Variants in MYO16 observed in about 807,000 individuals in gnomAD.
The protein encoded by MYO16 is myosin XVI, also known as unconventional myosin-XVI.
In MYO16, 94 loss-of-function variants were observed where a neutral mutation model predicts 205.3. The observed-to-expected ratio is 0.46, with a 90% confidence interval of 0.39 to 0.54. The LOEUF is 0.54. Ranked by LOEUF, MYO16 falls within the 20% of genes least tolerant of loss-of-function variation. MYO16 has a pLI of 0.00. For missense variants in MYO16, 2,315 were observed against 2,387.5 expected (o/e 0.97, Z 0.63); for synonymous variants, 988 against 954.0 (o/e 1.04, Z -0.66).
intron 9 of MYO16, among the ~76,000 whole-genome samples, chr13:108,825,014 T>C (rs2139025656): frequency 6.6e-6 from 1 of 152,206 alleles, no homozygotes; most frequent in Admixed American, 6.5e-5. Context: ...ACAAACACTT[T>C]CAAAAACAGA....
At chr13:109,007,519 GATA>G (rs924328754) in intron 21 of MYO16, among the ~76,000 whole-genome samples, 12 of 150,730 alleles carry the variant, frequency 8.0e-5, no homozygotes, top group East Asian at 2.0e-4. Context: ...AAGAATTTGA[GATA>G]ATAAGTAGAA....
intron 2 of MYO16, among the ~76,000 whole-genome samples, chr13:108,684,448 C>T (rs1355443624): frequency 6.6e-6 from 1 of 152,082 alleles, no homozygotes; most frequent in Non-Finnish European, 1.5e-5. Flanking sequence ...ATATATATCT[C>T]TTATTGTGTG....
intron 2 of MYO16, among the ~76,000 whole-genome samples, chr13:108,694,503 T>A (rs1281477496): frequency 3.3e-5 from 5 of 152,178 alleles, no homozygotes; most frequent in Non-Finnish European, 7.3e-5. Context: ...ATCTTTCATG[T>A]CTTGTTGGTC....
intron 21 of MYO16, among the ~76,000 whole-genome samples, chr13:109,002,894 T>C (rs1885264095): frequency 6.6e-6 from 1 of 152,180 alleles, no homozygotes; most frequent in South Asian, 2.1e-4. Context: ...GTTTGTGGGG[T>C]ACATTTTTTT....
chr13:109,077,659 G>A (rs1238751460), intron 27 of MYO16, among the ~76,000 whole-genome samples: 3 of 152,148 alleles, frequency 2.0e-5, no homozygotes, highest in African/African-American at 7.2e-5. Context: ...CAAGAAGAAA[G>A]CTGCTGTCCA....
chr13:108,538,324 A>G, the MYO16 span, among the ~76,000 whole-genome samples: 11 of 152,256 alleles, frequency 7.2e-5, no homozygotes, highest in East Asian at 1.9e-4. Context: ...GACTAGAAAG[A>G]TCACTGAGGA....
At chr13:108,797,093 G>A (rs540903015) in intron 6 of MYO16, among the ~76,000 whole-genome samples, 1 of 152,250 alleles carries the variant, frequency 6.6e-6, no homozygotes, top group African/African-American at 2.4e-5. Flanking sequence ...TAAATGTGTT[G>A]TGTGATTAGA....
At chr13:108,564,172 CT>C in the MYO16 span, among the ~76,000 whole-genome samples, 3,668 of 126,610 alleles carry the variant, frequency 0.029, 24 homozygotes, top group South Asian at 0.066. Flanking sequence ...CTATTGCCTT[CT>C]TTTTTTTTTT....
the MYO16 span, among the ~76,000 whole-genome samples, chr13:108,541,617 T>G: frequency 6.6e-6 from 1 of 152,114 alleles, no homozygotes; most frequent in Non-Finnish European, 1.5e-5. Context: ...TACTGAAAAT[T>G]TAATATAATA....
intron 27 of MYO16, among the ~76,000 whole-genome samples, chr13:109,062,401 G>C (rs1887620508): frequency 6.6e-6 from 1 of 152,132 alleles, no homozygotes; most frequent in Non-Finnish European, 1.5e-5. Context: ...GAGACCATAG[G>C]CATACTGTAA....
chr13:108,720,684 G>A (rs1325209813), intron 3 of MYO16, among the ~76,000 whole-genome samples: 1 of 152,148 alleles, frequency 6.6e-6, no homozygotes, highest in Non-Finnish European at 1.5e-5. Flanking sequence ...TATTTCTCTA[G>A]TCTCCTCTGC....
At chr13:108,498,802 A>G in the MYO16 span, among the ~76,000 whole-genome samples, 1 of 152,204 alleles carries the variant, frequency 6.6e-6, no homozygotes, top group Admixed American at 6.5e-5. Flanking sequence ...ACAACACCTT[A>G]TCTGTCCCAA....
intron 27 of MYO16, among the ~76,000 whole-genome samples, chr13:109,065,040 G>A (rs771148161): frequency 6.6e-6 from 1 of 152,198 alleles, no homozygotes; most frequent in Non-Finnish European, 1.5e-5. Context: ...AGAAGTGGGT[G>A]TTAGCTAAGG....
intron 4 of MYO16, among the ~76,000 whole-genome samples, chr13:108,785,097 G>C (rs774064046): frequency 6.6e-6 from 1 of 152,130 alleles, no homozygotes; most frequent in Non-Finnish European, 1.5e-5. Context: ...ATAGTTGCTG[G>C]AAAGAGAAAA....
chr13:108,596,526 A>G (rs2139292252), intron 1 of MYO16, among the ~76,000 whole-genome samples: 1 of 152,348 alleles, frequency 6.6e-6, no homozygotes, highest in Admixed American at 6.5e-5. Flanking sequence ...AAGAGGAAAT[A>G]TTGAAAAGTT....
intron 5 of MYO16, among the ~76,000 whole-genome samples, chr13:108,788,578 C>G (rs575393617): frequency 5.8e-4 from 89 of 152,298 alleles, no homozygotes; most frequent in African/African-American, 1.9e-3. Context: ...TCTGCATACA[C>G]CACCATTCAC....
At chr13:108,602,111 A>G (rs1462162851) in intron 1 of MYO16, among the ~76,000 whole-genome samples, 2 of 151,536 alleles carry the variant, frequency 1.3e-5, no homozygotes, top group African/African-American at 2.4e-5. Flanking sequence ...GAAAAAAAAA[A>G]AAAAAAAAAA....
At chr13:108,890,104 A>ATTTT (rs60627565) in intron 14 of MYO16, among the ~76,000 whole-genome samples, 2,400 of 94,576 alleles carry the variant, frequency 0.025, 10 homozygotes, top group East Asian at 0.035. Flanking sequence ...TAATTTTTGT[A>ATTTT]TTTTTTTTTT....
chr13:108,620,487 T>C (rs1879500016), intron 1 of MYO16, among the ~76,000 whole-genome samples: 1 of 152,180 alleles, frequency 6.6e-6, no homozygotes, highest in South Asian at 2.1e-4. Context: ...ACTCATTCTC[T>C]TGATGCAAAG....
Sources: allele counts gnomAD v4.1 joint callset (sites outside exome capture counted in the v4.1 genomes callset), GRCh38; gene constraint gnomAD v4.1.1; transcripts MANE v1.5; gene names NCBI Gene and HGNC (gene_info 2026-07-23, HGNC 2026-07-21).